Variants in HELZ observed in about 807,000 individuals in gnomAD.
HELZ encodes the protein helicase with zinc finger.
Under a neutral mutation model 218.2 loss-of-function variants are expected in HELZ, and 23 were observed. The observed-to-expected ratio is 0.11, with a 90% CI of 0.08 to 0.15. The LOEUF is 0.15. Among genes scored for constraint, HELZ ranks in the 10% least tolerant of loss-of-function variants. HELZ has a pLI of 1.00. For synonymous variants in HELZ, 814 were observed against 829.4 expected, an observed-to-expected ratio of 0.98 and a Z score of 0.32; for missense variants, 1,813 against 2,353.7, an observed-to-expected ratio of 0.77 and a Z score of 4.75.
Position 67,120,512 on chromosome 17 carries a change from C to T in HELZ, c.3731G>A (p.Gly1244Glu), listed in dbSNP as rs1567816961. Residue 1244 changes from glycine to glutamate, a missense_variant, in exon 27 of 33, where the codon GGA (glycine) becomes GAA (glutamate). Gly to Glu is a moderately conservative substitution (Grantham distance 98). Coordinates refer to ENST00000358691, the MANE Select transcript of HELZ (RefSeq NM_014877.4). ...GCCATAAGGAATAGGAGATCCTCGT[C>T]CATGTGTCTGTAATAGGTTCATGTT... ...AYNMNLLQTHGRGSPIPYGLG... is the reference protein window; with the variant it reads ...AYNMNLLQTHERGSPIPYGLG... 1.2e-6 allele frequency: 2 copies of T among 1,613,840 alleles called. No homozygotes were observed. Among genetic ancestry groups the T allele is most frequent in the Non-Finnish European group, 1.7e-6 (2 of 1,179,904 alleles).
At chr17:67,227,603 A>G (rs2040929659) in intron 3 of HELZ, among the ~76,000 whole-genome samples, 1 of 152,232 alleles carries the variant, frequency 6.6e-6, no homozygotes, top group Admixed American at 6.5e-5. Flanking sequence ...ACAAGAATGG[A>G]GCCTCAAAAA....
intron 9 of HELZ, among the ~76,000 whole-genome samples, chr17:67,193,265 A>G (rs2039942211): frequency 6.7e-6 from 1 of 149,162 alleles, no homozygotes. Context: ...GGATCATTTG[A>G]GCCTGGGAGG....
chr17:67,224,504 A>G (rs2040838354), intron 3 of HELZ: 1 of 291,916 alleles, frequency 3.4e-6, no homozygotes, highest in Non-Finnish European at 6.6e-6. Context: ...GACAGTCTTA[A>G]TTTAGATAAT....
chr17:67,146,549 T>C (rs967597782), intron 20 of HELZ, among the ~76,000 whole-genome samples: 13 of 152,146 alleles, frequency 8.5e-5, no homozygotes, highest in African/African-American at 3.1e-4. Context: ...ATGTGACCCA[T>C]GATTGTACTA....
rs758804788 is a variant in HELZ at position 67,072,420 on chromosome 17, A to G, written c.*5832T>C. ...CTCCATGTCACTGCCATCTTAGGAC[A>G]GGGACTCCTGCACTTAGTGCCTCGA... On this transcript the variant is annotated 3_prime_UTR_variant, in exon 33 of 33. Transcript: ENST00000358691. 3.3e-5 allele frequency: 5 copies of G among 152,676 alleles called. No homozygotes were observed. The highest frequency in any genetic ancestry group is 6.5e-5 in the Admixed American group (1 of 15,274). The allele number at this position is 152,676 out of a possible 1,614,324, so 9.5% of individuals were successfully genotyped here.
rs999737603 is a variant in HELZ, at chr17:67,135,405, T to C, written c.3182+565A>G. On this transcript the variant is annotated intron_variant, in intron 23 of 32. Coordinates refer to ENST00000358691, the MANE Select transcript of HELZ (RefSeq NM_014877.4). Reference sequence around the variant, plus strand: ...ATGCATGAAACCAGCTCAGGACCCCTGCTCTAGTTGTTGCTTCTTCCTGGA... The same window carrying C: ...ATGCATGAAACCAGCTCAGGACCCCCGCTCTAGTTGTTGCTTCTTCCTGGA... Among the ~76,000 whole-genome samples the C allele has an allele frequency of 2.0e-5, 3 of 152,312 alleles. No individual in the cohort carries two copies. The South Asian group carries it at 6.2e-4, about 32-fold the overall frequency.
At chr17:67,178,048 T>TA (rs1326211904) in intron 13 of HELZ, among the ~76,000 whole-genome samples, 3 of 152,202 alleles carry the variant, frequency 2.0e-5, no homozygotes, top group Non-Finnish European at 4.4e-5. Context: ...AGAAAGCTAC[T>TA]ACCAAATACA....
chr17:67,099,586 A>G (rs913745226), intron 31 of HELZ, among the ~76,000 whole-genome samples: 1 of 152,244 alleles, frequency 6.6e-6, no homozygotes, highest in Non-Finnish European at 1.5e-5. Flanking sequence ...AAAGAAGGAA[A>G]AAACTAAACT....
chr17:67,151,590 T>C (rs577921707), intron 17 of HELZ, among the ~76,000 whole-genome samples: 1 of 152,320 alleles, frequency 6.6e-6, no homozygotes, highest in African/African-American at 2.4e-5. Flanking sequence ...TCTAGAACGT[T>C]CTTACAAAAA....
At chr17:67,123,664 T>G (rs2037689545) in intron 25 of HELZ, among the ~76,000 whole-genome samples, 1 of 152,214 alleles carries the variant, frequency 6.6e-6, no homozygotes, top group Admixed American at 6.5e-5. Context: ...TTCTGAAAAT[T>G]TATGTTGCAT....
intron 5 of HELZ, among the ~76,000 whole-genome samples, chr17:67,215,250 A>C (rs1351187921): frequency 6.6e-6 from 1 of 152,190 alleles, no homozygotes; most frequent in Non-Finnish European, 1.5e-5. Context: ...TTTAGGAGGG[A>C]CAGGCCCATC....
At chr17:67,166,637 C>T (rs1419215339) in intron 14 of HELZ, 29 bp from the exon 15 acceptor site, 1 of 1,609,918 alleles carries the variant, frequency 6.2e-7, no homozygotes, top group Admixed American at 1.7e-5. Context: ...GTTTTAAAAA[C>T]TGCATGAAAG....
rs1217687591 is a variant in HELZ, at chr17:67,130,108, C to T, written c.3183-1253G>A. 2.0e-5 allele frequency among the ~76,000 whole-genome samples: 3 copies of T among 152,140 alleles called. No individual in the cohort carries two copies. The East Asian group carries it at 5.8e-4, about 29-fold the overall frequency. On this transcript the variant is annotated intron_variant, in intron 23 of 32. Transcript: ENST00000358691. ...CCAAACCGTGCTTCTCTTACATATG[C>T]CTTATATCCATCTTTCCTAGTTTTT... is the stretch of plus-strand genomic sequence containing the variant.
At chr17:67,155,865 A>G (rs1394456750) in intron 17 of HELZ, among the ~76,000 whole-genome samples, 1 of 151,444 alleles carries the variant, frequency 6.6e-6, no homozygotes, top group Admixed American at 6.6e-5. Context: ...AGAAGCTACA[A>G]TAGAAAGTCA....
chr17:67,121,967 C>T (rs942930496), intron 26 of HELZ, among the ~76,000 whole-genome samples: 7 of 152,062 alleles, frequency 4.6e-5, no homozygotes, highest in Admixed American at 4.6e-4. Context: ...AAAATGAGAC[C>T]AATTCATTAG....
chr17:67,129,345 T>C (rs1445755330), intron 23 of HELZ, among the ~76,000 whole-genome samples: 1 of 152,032 alleles, frequency 6.6e-6, no homozygotes, highest in Admixed American at 6.6e-5. Context: ...TATATGTGTA[T>C]ATATGCACAT....
chr17:67,207,934 A>C (rs2143177712), intron 5 of HELZ, among the ~76,000 whole-genome samples: 1 of 152,274 alleles, frequency 6.6e-6, no homozygotes, highest in African/African-American at 2.4e-5. Context: ...AGGAGGCTGA[A>C]GTTGCAGTGA....
intron 12 of HELZ, among the ~76,000 whole-genome samples, chr17:67,184,906 G>T (rs1247796701): frequency 6.6e-6 from 1 of 152,064 alleles, no homozygotes; most frequent in Non-Finnish European, 1.5e-5. Flanking sequence ...CCTTGTGTAT[G>T]CAAAAACCAA....
chr17:67,168,474 C>G (rs2039215280), intron 13 of HELZ, among the ~76,000 whole-genome samples: 1 of 152,100 alleles, frequency 6.6e-6, no homozygotes, highest in African/African-American at 2.4e-5. Flanking sequence ...ACAATAAAGA[C>G]TTTAAAATCA....
Sources: allele counts gnomAD v4.1 joint callset (sites outside exome capture counted in the v4.1 genomes callset), GRCh38; gene constraint gnomAD v4.1.1; transcripts MANE v1.5; gene names NCBI Gene and HGNC (gene_info 2026-07-23, HGNC 2026-07-21).